The following GNAO1 variants were observed in gnomAD, a reference collection of about 807,000 sequenced individuals.
The protein encoded by GNAO1 is G protein subunit alpha o1.
For missense variants in GNAO1, 166 were observed against 478.7 expected (o/e 0.35, Z 6.10); for synonymous variants, 164 against 180.7 (o/e 0.91, Z 0.74).
In GNAO1 at chr16:56,228,026, G is replaced by T. The variant is rs551765570; in HGVS notation, c.161+35410G>T. ...GAAGCCTCCATTCCCTGCCTGGGCA[G>T]TGCTGGGCTTGGTTACCTGAAGAGG... is the stretch of plus-strand genomic sequence containing the variant. On this transcript the variant is annotated intron_variant, in intron 2 of 8. Transcript: ENST00000262493. Among the ~76,000 whole-genome samples the T allele has an allele frequency of 1.2e-4, 18 of 152,294 alleles. No homozygotes were observed. The East Asian group carries it at 3.5e-3, about 29-fold the overall frequency.
chr16:56,235,088 A>T (rs574208072), intron 2 of GNAO1: 12 of 335,214 alleles, frequency 3.6e-5, no homozygotes, highest in African/African-American at 2.6e-4. Flanking sequence ...CCAGACAAAG[A>T]TGCTTAGCCA....
chr16:56,269,403 C>T (rs1212163977), intron 2 of GNAO1, among the ~76,000 whole-genome samples: 1 of 152,160 alleles, frequency 6.6e-6, no homozygotes, highest in East Asian at 1.9e-4. Context: ...CGCGGGACGC[C>T]TGACTGACTG....
intron 2 of GNAO1, among the ~76,000 whole-genome samples, chr16:56,217,507 C>A (rs944000833): frequency 1.3e-5 from 2 of 152,104 alleles, no homozygotes; most frequent in Non-Finnish European, 2.9e-5. Context: ...GCAAGAGACC[C>A]TTGTTATTAG....
At chr16:56,244,115 TAC>T (rs1274457488) in intron 2 of GNAO1, among the ~76,000 whole-genome samples, 1 of 152,210 alleles carries the variant, frequency 6.6e-6, no homozygotes, top group African/African-American at 2.4e-5. Context: ...CATGCTATAC[TAC>T]AGGCAAAGCA....
At chr16:56,226,294 T>C (rs1234155080) in intron 2 of GNAO1, 3 of 152,160 alleles carry the variant, frequency 2.0e-5, no homozygotes, top group African/African-American at 7.2e-5. Flanking sequence ...GGCCTACTTA[T>C]GATTAGGATA....
At chr16:56,233,024 G>A (rs2143402684) in intron 2 of GNAO1, among the ~76,000 whole-genome samples, 1 of 152,346 alleles carries the variant, frequency 6.6e-6, no homozygotes, top group African/African-American at 2.4e-5. Context: ...CACTCCTGTA[G>A]CTTGGGAGGT....
chr16:56,300,013 G>GTGTGTGTGTC (rs1439479975), intron 3 of GNAO1, among the ~76,000 whole-genome samples: 4 of 129,856 alleles, frequency 3.1e-5, no homozygotes, highest in African/African-American at 1.3e-4. Context: ...GGGTTCGTGT[G>GTGTGTGTGTC]TGTGTGTGTG....
At chr16:56,280,099 C>T (rs1472859628) in intron 3 of GNAO1, among the ~76,000 whole-genome samples, 2 of 152,220 alleles carry the variant, frequency 1.3e-5, no homozygotes, top group Non-Finnish European at 2.9e-5. Context: ...CGGGCTGGTA[C>T]TAAGCCACGT....
chr16:56,250,790 G>A (rs2036792281), intron 2 of GNAO1, among the ~76,000 whole-genome samples: 1 of 152,066 alleles, frequency 6.6e-6, no homozygotes, highest in Non-Finnish European at 1.5e-5. Context: ...AAATCCCCAT[G>A]CAAAGTGTTT....
At chr16:56,273,584 A>T (rs1318709603) in intron 2 of GNAO1, among the ~76,000 whole-genome samples, 1 of 152,192 alleles carries the variant, frequency 6.6e-6, no homozygotes, top group African/African-American at 2.4e-5. Flanking sequence ...TGTGATGCTG[A>T]TACTATGAAT....
intron 2 of GNAO1, among the ~76,000 whole-genome samples, chr16:56,241,547 T>G (rs2036694103): frequency 6.6e-6 from 1 of 152,216 alleles, no homozygotes. Context: ...CATGGTTATC[T>G]CCTATTTAAA....
At chr16:56,343,713 C>T in intron 6 of GNAO1, 8 of 1,472,052 alleles carry the variant, frequency 5.4e-6, no homozygotes, top group Non-Finnish European at 7.4e-6. Context: ...CCATGCCAAG[C>T]AGTCCCATGG....
chr16:56,287,885 G>A (rs1325602396), intron 3 of GNAO1, among the ~76,000 whole-genome samples: 1 of 152,170 alleles, frequency 6.6e-6, no homozygotes, highest in African/African-American at 2.4e-5. Flanking sequence ...ATCACAGAGA[G>A]GGAGGAGAGT....
At chr16:56,286,023 G>A (rs1276003460) in intron 3 of GNAO1, among the ~76,000 whole-genome samples, 1 of 152,226 alleles carries the variant, frequency 6.6e-6, no homozygotes, top group South Asian at 2.1e-4. Flanking sequence ...GACTGAGAAA[G>A]GGTTAGGTTT....
chr16:56,354,975 G>T lies in GNAO1; in HGVS notation c.987G>T (p.Thr329=). Residue 329 remains threonine (T), a synonymous_variant, in exon 8 of 9, where the codon ACG becomes ACT. Transcript: ENST00000262493. This position sits in a 1 kb window ranked among gnomAD's most constrained non-coding sequence, Gnocchi z 4.3. ...GTCACATGACTTGTGCCACAGACAC[G>T]AATAACATCCAGGTGGTGTTCGACG... ...IYCHMTCATD[T]NNIQVVFDAV... The T allele has an allele frequency of 6.2e-7, 1 of 1,613,334 alleles. No individual in the cohort carries two copies. The highest frequency in any genetic ancestry group is 1.1e-5 in the South Asian group (1 of 91,062).
chr16:56,328,524 A>G, intron 3 of GNAO1, 107 bp from the exon 4 acceptor site: 1 of 1,143,430 alleles, frequency 8.7e-7, no homozygotes, highest in Non-Finnish European at 1.3e-6. Context: ...GTCCTGCTGC[A>G]CTGGCTGGGC....
At chr16:56,198,688 G>C (rs2036255072) in intron 2 of GNAO1, among the ~76,000 whole-genome samples, 1 of 152,224 alleles carries the variant, frequency 6.6e-6, no homozygotes, top group Admixed American at 6.5e-5. Context: ...TGTGCTTTGA[G>C]TAGTGTCTAG....
intron 2 of GNAO1, among the ~76,000 whole-genome samples, chr16:56,224,745 G>A (rs2036519818): frequency 1.3e-5 from 2 of 152,216 alleles, no homozygotes; most frequent in African/African-American, 2.4e-5. Context: ...GGGATTACAG[G>A]CACGAGCCAC....
At chr16:56,316,998 C>T (rs570010533) in intron 3 of GNAO1, among the ~76,000 whole-genome samples, 1 of 152,212 alleles carries the variant, frequency 6.6e-6, no homozygotes, top group South Asian at 2.1e-4. Flanking sequence ...CTTCCCACCC[C>T]CTGGCCCCTG....
Sources: allele counts gnomAD v4.1 joint callset (sites outside exome capture counted in the v4.1 genomes callset), GRCh38; gene constraint gnomAD v4.1.1; non-coding constraint Gnocchi (gnomAD v3.1); transcripts MANE v1.5; gene names NCBI Gene and HGNC (gene_info 2026-07-23, HGNC 2026-07-21).